Variants in RAPGEF5 observed in about 807,000 individuals in gnomAD.
The protein encoded by RAPGEF5 is Rap guanine nucleotide exchange factor 5, also known as M-Ras-regulated GEF.
RAPGEF5 carries 65 observed loss-of-function variants against 125.2 expected under a neutral mutation model. That is an observed-to-expected ratio of 0.52 (90% CI 0.43 to 0.64). The LOEUF is 0.64. Ranked by LOEUF, RAPGEF5 falls within the 30% of genes least tolerant of loss-of-function variation. The pLI, the probability that RAPGEF5 is intolerant of heterozygous loss-of-function variation, is 0.00. For missense variants in RAPGEF5, 958 were observed against 1,048.1 expected, an observed-to-expected ratio of 0.91 and a Z score of 1.19; for synonymous variants, 391 against 385.9, an observed-to-expected ratio of 1.01 and a Z score of -0.16.
At chr7:22,138,483 T>C (rs901479418) in intron 21 of RAPGEF5, among the ~76,000 whole-genome samples, 1 of 150,070 alleles carries the variant, frequency 6.7e-6, no homozygotes, top group Admixed American at 6.6e-5. Flanking sequence ...TGTGATCACT[T>C]TCCATTCATC....
intron 8 of RAPGEF5, among the ~76,000 whole-genome samples, chr7:22,229,359 G>A (rs12538110): frequency 0.56 from 84,871 of 151,960 alleles, 24,069 homozygotes; most frequent in East Asian, 0.84. Context: ...GCAGCCTAGA[G>A]GCACATTCCC....
At chr7:22,275,710 A>G (rs1782539698) in intron 6 of RAPGEF5, among the ~76,000 whole-genome samples, 1 of 140,952 alleles carries the variant, frequency 7.1e-6, no homozygotes. Context: ...TTCTCTTTGG[A>G]GACCATGGGG....
At chr7:22,136,861 C>G in intron 22 of RAPGEF5, 72 bp downstream of exon 22, 1 of 1,303,416 alleles carries the variant, frequency 7.7e-7, no homozygotes, top group Non-Finnish European at 1.1e-6. Context: ...ATACCACCCA[C>G]TATAATGTAG....
chr7:22,124,427 AT>A (rs1782675109), intron 25 of RAPGEF5, among the ~76,000 whole-genome samples: 1 of 152,208 alleles, frequency 6.6e-6, no homozygotes, highest in African/African-American at 2.4e-5. Context: ...AGTGGTACTA[AT>A]TGATGTGAAT....
intron 7 of RAPGEF5, among the ~76,000 whole-genome samples, chr7:22,257,933 C>A (rs1276438023): frequency 1.3e-5 from 2 of 152,100 alleles, no homozygotes; most frequent in East Asian, 1.9e-4. Flanking sequence ...CAAACTTATA[C>A]TGCAAGGCTC....
intron 6 of RAPGEF5, among the ~76,000 whole-genome samples, chr7:22,270,548 T>C (rs1380936334): frequency 6.6e-6 from 1 of 152,212 alleles, no homozygotes; most frequent in Non-Finnish European, 1.5e-5. Context: ...AGTAGAACCA[T>C]GTTCTGATAC....
At chr7:22,265,076 G>C (rs527460626) in intron 7 of RAPGEF5, among the ~76,000 whole-genome samples, 1 of 152,124 alleles carries the variant, frequency 6.6e-6, no homozygotes, top group African/African-American at 2.4e-5. Context: ...AATCAGGGTA[G>C]TTGGGATATC....
chr7:22,203,825 T>C (rs1785335852), intron 9 of RAPGEF5, among the ~76,000 whole-genome samples: 1 of 152,084 alleles, frequency 6.6e-6, no homozygotes, highest in African/African-American at 2.4e-5. Flanking sequence ...TGAGGCATGG[T>C]ACAGTGTGCA....
intron 8 of RAPGEF5, among the ~76,000 whole-genome samples, chr7:22,223,940 TA>T (rs1365412400): frequency 6.6e-6 from 1 of 152,204 alleles, no homozygotes; most frequent in Non-Finnish European, 1.5e-5. Context: ...ATAAATATTC[TA>T]GGCTTTGTAG....
At chr7:22,300,738 G>A (rs1783178429) in intron 5 of RAPGEF5, among the ~76,000 whole-genome samples, 2 of 152,226 alleles carry the variant, frequency 1.3e-5, no homozygotes, top group African/African-American at 4.8e-5. Context: ...GCCCAGTTCT[G>A]ACCAAAACCA....
At chr7:22,221,279 G>C (rs2128132825) in intron 8 of RAPGEF5, among the ~76,000 whole-genome samples, 1 of 152,276 alleles carries the variant, frequency 6.6e-6, no homozygotes, top group South Asian at 2.1e-4. Flanking sequence ...CTGTTGGATA[G>C]CCAGGATTGT....
chr7:22,353,404 CAA>C (rs772861242), intron 1 of RAPGEF5, among the ~76,000 whole-genome samples: 120 of 152,182 alleles, frequency 7.9e-4, no homozygotes, highest in Non-Finnish European at 1.5e-3. Context: ...GTGAAAAAGG[CAA>C]AGTTTTGCTG....
chr7:22,316,458 G>C (rs1373517471), intron 2 of RAPGEF5, among the ~76,000 whole-genome samples: 2 of 88,604 alleles, frequency 2.3e-5, no homozygotes, highest in East Asian at 6.2e-4. Flanking sequence ...TGTATACATA[G>C]ACATATATAT....
chr7:22,258,415 G>C (rs1319502558), intron 7 of RAPGEF5, among the ~76,000 whole-genome samples: 1 of 152,094 alleles, frequency 6.6e-6, no homozygotes, highest in Non-Finnish European at 1.5e-5. Context: ...GAGGTTGGGA[G>C]TTCGAGACCA....
chr7:22,192,662 C>T (rs1785031812), intron 11 of RAPGEF5: 1 of 152,230 alleles, frequency 6.6e-6, no homozygotes, highest in South Asian at 2.1e-4. Flanking sequence ...AAGTACTCTC[C>T]CTTCTGAGAT....
At chr7:22,210,770 A>AACAT (rs1320389076) in intron 9 of RAPGEF5, among the ~76,000 whole-genome samples, 8 of 152,190 alleles carry the variant, frequency 5.3e-5, no homozygotes, top group African/African-American at 1.9e-4. Context: ...GCCATAAATG[A>AACAT]ACATACATGC....
At chr7:22,184,775 A>G (rs766749585) in intron 11 of RAPGEF5, among the ~76,000 whole-genome samples, 8 of 152,244 alleles carry the variant, frequency 5.3e-5, no homozygotes, top group Non-Finnish European at 7.3e-5. Context: ...TTCCCTTGTT[A>G]TCATACATAC....
At chr7:22,303,821 T>C (rs1177517727) in intron 5 of RAPGEF5, among the ~76,000 whole-genome samples, 2 of 152,218 alleles carry the variant, frequency 1.3e-5, no homozygotes, top group Non-Finnish European at 2.9e-5. Flanking sequence ...AGTAGCAACA[T>C]GGACTGGAGA....
At chr7:22,301,077 TA>T (rs1783187264) in intron 5 of RAPGEF5, among the ~76,000 whole-genome samples, 1 of 152,242 alleles carries the variant, frequency 6.6e-6, no homozygotes, top group African/African-American at 2.4e-5. Context: ...CTTCGTTCCA[TA>T]ATTTGCCTGC....
Sources: gnomAD v4.1 joint callset for allele counts (sites outside exome capture counted in the v4.1 genomes callset) on GRCh38, gnomAD v4.1.1 for gene constraint, MANE v1.5 for transcripts, NCBI Gene and HGNC (gene_info 2026-07-23, HGNC 2026-07-21) for gene names.